Variants in APAF1 observed in about 807,000 individuals in gnomAD.
APAF1 encodes apoptotic peptidase activating factor 1.
In APAF1, 91 loss-of-function variants were observed where a neutral mutation model predicts 152.4. That is an observed-to-expected ratio of 0.60 (90% CI 0.50 to 0.71). APAF1 has a LOEUF of 0.71. Ranked by LOEUF, APAF1 falls within the 30% of genes least tolerant of loss-of-function variation. APAF1 has a pLI of 0.00. For synonymous variants in APAF1, 484 were observed against 494.1 expected (o/e 0.98, Z 0.27); for missense variants, 1,283 against 1,472.0 (o/e 0.87, Z 2.10).
chr12:98,718,637 C>T (rs190332569), intron 22 of APAF1, among the ~76,000 whole-genome samples: 228 of 151,964 alleles, frequency 1.5e-3, no homozygotes, highest in African/African-American at 5.0e-3. Context: ...TTTCACGAGG[C>T]ATTAAAAATA....
intron 18 of APAF1, 109 bp downstream of exon 18, chr12:98,703,608 A>G: frequency 1.4e-6 from 2 of 1,406,174 alleles, no homozygotes; most frequent in Non-Finnish European, 1.0e-6. Context: ...TTGAGAAATT[A>G]TAGAGTATTT....
At chr12:98,672,585 T>G (rs887692587) in intron 12 of APAF1, among the ~76,000 whole-genome samples, 2 of 152,122 alleles carry the variant, frequency 1.3e-5, no homozygotes, top group African/African-American at 4.8e-5. Context: ...GAGTCTCTTT[T>G]GCTCTTACCT....
intron 18 of APAF1, among the ~76,000 whole-genome samples, 162 bp from the exon 19 acceptor site, chr12:98,706,323 T>TAAA (rs1223555999): frequency 6.6e-6 from 1 of 152,230 alleles, no homozygotes; most frequent in Non-Finnish European, 1.5e-5. Flanking sequence ...AATGATGCAC[T>TAAA]AAATAATCTT....
At chr12:98,652,303 G>A (rs2097649975) in intron 4 of APAF1, among the ~76,000 whole-genome samples, 1 of 152,152 alleles carries the variant, frequency 6.6e-6, no homozygotes, top group Non-Finnish European at 1.5e-5. Context: ...TTCCCCTCCA[G>A]TCTGTACATT....
rs570108643 is a variant in APAF1, at chr12:98,718,772, A to G, written c.3084+3220A>G. Among the ~76,000 whole-genome samples the G allele has an allele frequency of 2.6e-5, 4 of 151,802 alleles. No individual in the cohort carries two copies. In the South Asian group the frequency reaches 8.4e-4, roughly 32 times the overall value. On this transcript the variant is annotated intron_variant, in intron 22 of 26. Transcript: ENST00000551964. Reference sequence around the variant, plus strand: ...CAACATAGCGAGACCCCATCTCTGCAAAACAAAATAATTTAGCCAGGTGTG... The same window carrying G: ...CAACATAGCGAGACCCCATCTCTGCGAAACAAAATAATTTAGCCAGGTGTG...
At chr12:98,648,990 C>A in intron 3 of APAF1, 175 bp downstream of exon 3, 2 of 782,238 alleles carry the variant, frequency 2.6e-6, no homozygotes, top group South Asian at 3.1e-5. Flanking sequence ...CATTAACTCT[C>A]AACTTTTCTT....
intron 26 of APAF1, among the ~76,000 whole-genome samples, chr12:98,730,743 C>T (rs1565899864): frequency 6.6e-6 from 1 of 152,192 alleles, no homozygotes; most frequent in Admixed American, 6.5e-5. Context: ...AAAGGAACAG[C>T]TGCTGTAGTG....
In APAF1 at chr12:98,718,512, G is replaced by A. The variant is rs1049738033; in HGVS notation, c.3084+2960G>A. 4.6e-5 allele frequency among the ~76,000 whole-genome samples: 7 copies of A among 152,254 alleles called. No individual in the cohort carries two copies. The East Asian group carries it at 1.4e-3, about 30-fold the overall frequency. The stretch of plus-strand genomic sequence containing the variant: ...CTCCCAAAGTGCTGGGATTACAGGT[G>A]TGAGCCACCGTGCCCGGCCTTCTTT... On this transcript the variant is annotated intron_variant, in intron 22 of 26. Transcript: ENST00000551964.
chr12:98,708,267 G>C (rs1185065600), intron 19 of APAF1, among the ~76,000 whole-genome samples: 2 of 152,108 alleles, frequency 1.3e-5, no homozygotes, highest in Admixed American at 1.3e-4. Flanking sequence ...CTTGTGGATT[G>C]GTATCAAACA....
At chr12:98,649,921 T>G (rs1286959828) in intron 4 of APAF1, among the ~76,000 whole-genome samples, 1 of 151,780 alleles carries the variant, frequency 6.6e-6, no homozygotes, top group Non-Finnish European at 1.5e-5. Flanking sequence ...GCAGTGAAGG[T>G]AGGGATGGGA....
intron 12 of APAF1, among the ~76,000 whole-genome samples, 158 bp downstream of exon 12, chr12:98,671,877 A>G (rs1436522443): frequency 6.6e-6 from 1 of 152,240 alleles, no homozygotes; most frequent in Non-Finnish European, 1.5e-5. Context: ...CTAGAGAAGT[A>G]AGCATAGGAG....
intron 16 of APAF1, among the ~76,000 whole-genome samples, chr12:98,689,642 G>A (rs1285988685): frequency 1.3e-5 from 2 of 152,022 alleles, no homozygotes; most frequent in South Asian, 2.1e-4. Flanking sequence ...TTTAATTTTT[G>A]TAGAGATGGG....
At chr12:98,678,486 G>A (rs2097688858) in intron 13 of APAF1, among the ~76,000 whole-genome samples, 3 of 152,184 alleles carry the variant, frequency 2.0e-5, no homozygotes, top group South Asian at 4.1e-4. Flanking sequence ...CTGGGAACCC[G>A]CTCCATGGAG....
chr12:98,667,739 A>G, intron 10 of APAF1, 95 bp downstream of exon 10: 1 of 1,006,708 alleles, frequency 9.9e-7, no homozygotes, highest in Non-Finnish European at 1.4e-6. Flanking sequence ...TTTGTCTTGA[A>G]TTTTGTTCAT....
intron 4 of APAF1, among the ~76,000 whole-genome samples, chr12:98,655,207 GAA>G (rs1366680853): frequency 7.1e-6 from 1 of 140,154 alleles, no homozygotes; most frequent in African/African-American, 2.7e-5. Context: ...AGAACAAAAT[GAA>G]AAGTCTCCCA....
intron 16 of APAF1, among the ~76,000 whole-genome samples, chr12:98,696,352 C>G (rs12368223): frequency 1.3e-4 from 20 of 152,058 alleles, no homozygotes; most frequent in African/African-American, 3.9e-4. Context: ...CTGTTTTCAA[C>G]AACCCGCACT....
rs1417462028 is a variant in APAF1 at position 98,732,917 on chromosome 12, T to C, written c.*351T>C. 2 of 286,048 alleles carry C rather than the reference T, an allele frequency of 7.0e-6. No individual in the cohort carries two copies. Among genetic ancestry groups the C allele is most frequent in the African/African-American group, 4.5e-5 (2 of 44,036 alleles). The allele number at this position is 286,048 out of a possible 1,614,324, so 17.7% of individuals were successfully genotyped here. A position where few individuals can be genotyped will look rare whatever the true frequency, so the allele number is the denominator to read the frequency against. ...AAGAAATTGGTATTTTAATACTGTC[T>C]GTATTTATTACTGTTATGCAGGCTG... On this transcript the variant is annotated 3_prime_UTR_variant, in exon 27 of 27. Coordinates refer to ENST00000551964, the MANE Select transcript of APAF1 (RefSeq NM_181861.2).
chr12:98,714,823 A>T (rs1264594623), intron 21 of APAF1, among the ~76,000 whole-genome samples: 2 of 144,038 alleles, frequency 1.4e-5, no homozygotes, highest in Admixed American at 6.9e-5. Flanking sequence ...GTATGAGTTC[A>T]TTTGAAAGCC....
intron 19 of APAF1, among the ~76,000 whole-genome samples, 185 bp downstream of exon 19, chr12:98,706,795 T>C (rs139343359): frequency 1.8e-3 from 270 of 152,334 alleles, no homozygotes; most frequent in African/African-American, 6.2e-3. Flanking sequence ...TACATGTTCA[T>C]TGAGGATTAC....
Sources: gnomAD v4.1 joint callset for allele counts (sites outside exome capture counted in the v4.1 genomes callset) on GRCh38, gnomAD v4.1.1 for gene constraint, MANE v1.5 for transcripts, NCBI Gene and HGNC (gene_info 2026-07-23, HGNC 2026-07-21) for gene names.